RIMKLA: variants seen among roughly 807,000 people sequenced by gnomAD.
RIMKLA encodes the protein ribosomal modification protein rimK like family member A, also known as N-acetylaspartylglutamate synthase A.
Under a neutral mutation model 32.7 loss-of-function variants are expected in RIMKLA, and 14 were observed. That is an observed-to-expected ratio of 0.43 (90% CI 0.28 to 0.67). RIMKLA has a LOEUF of 0.67. RIMKLA is among the 30% of genes least tolerant of loss of function. RIMKLA has a pLI of 0.18. For synonymous variants in RIMKLA, 176 were observed against 204.1 expected, an observed-to-expected ratio of 0.86 and a Z score of 1.18; for missense variants, 410 against 519.0, an observed-to-expected ratio of 0.79 and a Z score of 2.04.
chr1:42,398,493 A>G (rs1217954312), intron 1 of RIMKLA, among the ~76,000 whole-genome samples: 1 of 152,226 alleles, frequency 6.6e-6, no homozygotes, highest in Non-Finnish European at 1.5e-5. Context: ...CAAGTATAAA[A>G]TATAAAGAAG....
chr1:42,404,450 T>G (rs1487639183), intron 2 of RIMKLA, 61 bp from the exon 3 acceptor site: 1 of 1,118,284 alleles, frequency 8.9e-7, no homozygotes, highest in South Asian at 1.2e-5. Context: ...GGGGCGGGGC[T>G]GGGGTGACCG....
At chr1:42,395,926 T>C (rs1643040215) in intron 1 of RIMKLA, among the ~76,000 whole-genome samples, 1 of 152,110 alleles carries the variant, frequency 6.6e-6, no homozygotes, top group African/African-American at 2.4e-5. Flanking sequence ...AGGAGGCATG[T>C]GAAGTTGCCC....
chr1:42,386,836 G>A (rs1315586731), intron 1 of RIMKLA, among the ~76,000 whole-genome samples: 2 of 151,568 alleles, frequency 1.3e-5, no homozygotes, highest in African/African-American at 4.8e-5. Flanking sequence ...AGTGAGCTGA[G>A]ATTACGCCAC....
At position 42,419,082 on chromosome 1, in the gene RIMKLA, T is replaced by G. The variant is rs891963728; in HGVS notation, c.*4108T>G. 1 of 152,208 alleles carries G rather than the reference T, an allele frequency of 6.6e-6. No homozygotes were observed. The highest frequency in any genetic ancestry group is 2.1e-4 in the South Asian group (1 of 4,832). The allele number at this position is 152,208 out of a possible 1,614,324, so 9.4% of individuals were successfully genotyped here. On this transcript the variant is annotated 3_prime_UTR_variant, in exon 5 of 5. Coordinates refer to ENST00000431473, the MANE Select transcript of RIMKLA (RefSeq NM_173642.4). The stretch of plus-strand genomic sequence containing the variant: ...TCTGAGACTCAAGATCAGGACAGAT[T>G]GTTACTTTAAAATGTTACCTGGAAG...
chr1:42,414,729 A>G lies in RIMKLA; in HGVS notation c.931A>G (p.Met311Val), dbSNP rs199605892. 1.6e-5 allele frequency: 26 copies of G among 1,614,108 alleles called. No individual in the cohort carries two copies. The highest frequency in any genetic ancestry group is 2.0e-5 in the Non-Finnish European group (24 of 1,180,052). The change falls in exon 5 of 5, where the codon ATG becomes GTG. Residue 311 changes from methionine (M) to valine (V), a missense_variant. By Grantham distance (21) the Met-to-Val change is conservative. Transcript: ENST00000431473. ...SLLPNRQTGK[M>V]AVLPGLSSPR... ...GCTGCCAAATAGGCAGACTGGAAAG[A>G]TGGCTGTCCTCCCAGGACTGTCGAG...
Position 42,423,357 on chromosome 1 carries a change from C to T in RIMKLA, c.*8383C>T, listed in dbSNP as rs1643310419. Reference sequence around the variant, plus strand: ...AAAAGTGGAGAGAATAGTAAACTCCCCAGAAAAGGACGTTTCCATTTGCCT... The same window carrying T: ...AAAAGTGGAGAGAATAGTAAACTCCTCAGAAAAGGACGTTTCCATTTGCCT... On this transcript the variant is annotated 3_prime_UTR_variant, in exon 5 of 5. Coordinates refer to ENST00000431473, the MANE Select transcript of RIMKLA (RefSeq NM_173642.4). 6.6e-6 allele frequency among the ~76,000 whole-genome samples: 1 copy of T among 152,128 alleles called. No individual in the cohort carries two copies. The highest frequency in any genetic ancestry group is 2.1e-4 in the South Asian group (1 of 4,822).
In RIMKLA at chr1:42,424,014, C is replaced by G. The variant is rs1208419612; in HGVS notation, c.*9040C>G. Among the ~76,000 whole-genome samples, 3 of 152,142 alleles carry G rather than the reference C, an allele frequency of 2.0e-5. No individual in the cohort carries two copies. Among genetic ancestry groups the G allele is most frequent in the African/African-American group, 7.2e-5 (3 of 41,426 alleles). On this transcript the variant is annotated 3_prime_UTR_variant, in exon 5 of 5. Coordinates refer to ENST00000431473, the MANE Select transcript of RIMKLA (RefSeq NM_173642.4). ...AGCACTTGTGTCACATCTAAAGGCA[C>G]TCCTCTGACTAAAGAGAAGTGGCAG...
At chr1:42,409,771 G>A (rs1475531353) in intron 3 of RIMKLA, among the ~76,000 whole-genome samples, 2 of 152,308 alleles carry the variant, frequency 1.3e-5, no homozygotes, top group Middle Eastern at 3.4e-3. Context: ...AGTGATGGTG[G>A]AGGGAGAGGG....
At position 42,380,933 on chromosome 1, in the gene RIMKLA, C is replaced by G; in HGVS notation, c.-2C>G. 7.1e-6 allele frequency: 10 copies of G among 1,413,756 alleles called. No homozygotes were observed. The highest frequency in any genetic ancestry group is 8.3e-6 in the Non-Finnish European group (9 of 1,081,924). 87.6% of individuals were successfully genotyped at this position (1,413,756 alleles called of 1,614,324 possible). Reference sequence around the variant, plus strand: ...CGCGCGGGGCGCACCGCCCTGGCCGCCATGTGCTCCCAGCTCTGGTTCCTG... The same window carrying G: ...CGCGCGGGGCGCACCGCCCTGGCCGGCATGTGCTCCCAGCTCTGGTTCCTG... On this transcript the variant is annotated 5_prime_UTR_variant, in exon 1 of 5. Coordinates refer to ENST00000431473, the MANE Select transcript of RIMKLA (RefSeq NM_173642.4).
At chr1:42,381,188 A>C in intron 1 of RIMKLA, 91 bp downstream of exon 1, 2 of 1,031,170 alleles carry the variant, frequency 1.9e-6, no homozygotes, top group Non-Finnish European at 2.5e-6. Context: ...CTCCCGCAGC[A>C]GAGTCTCCTT....
intron 3 of RIMKLA, 83 bp from the exon 4 acceptor site, chr1:42,409,901 C>A: frequency 1.9e-6 from 2 of 1,071,214 alleles, no homozygotes; most frequent in Non-Finnish European, 2.9e-6. Flanking sequence ...GAACTGATGA[C>A]TTTATGGACA....
At chr1:42,390,979 T>C (rs938855954) in intron 1 of RIMKLA, among the ~76,000 whole-genome samples, 3 of 152,012 alleles carry the variant, frequency 2.0e-5, no homozygotes, top group African/African-American at 7.3e-5. Flanking sequence ...GTTGAGGATA[T>C]GAACGGAGGG....
intron 2 of RIMKLA, among the ~76,000 whole-genome samples, chr1:42,401,722 T>G (rs1643098707): frequency 6.6e-6 from 1 of 152,114 alleles, no homozygotes; most frequent in Non-Finnish European, 1.5e-5. Context: ...ATGGAAACAG[T>G]GGCTTTCTAT....
Position 42,414,861 on chromosome 1 carries a change from C to G in RIMKLA, c.1063C>G (p.Leu355Val), listed in dbSNP as rs140250649. Residue 355 changes from leucine to valine, a missense_variant, in exon 5 of 5, where the codon CTG becomes GTG. Transcript: ENST00000431473. Reference protein sequence around the residue: ...GSTSSESEPELGEIRDSSAST... With the variant: ...GSTSSESEPEVGEIRDSSAST... ...TACCTCTAGTGAAAGTGAGCCTGAA[C>G]TGGGAGAGATCCGGGATTCCTCAGC... 1.2e-6 allele frequency: 2 copies of G among 1,614,214 alleles called. No individual in the cohort carries two copies. The highest frequency in any genetic ancestry group is 1.7e-6 in the Non-Finnish European group (2 of 1,180,038).
At chr1:42,410,885 A>G (rs999774369) in intron 4 of RIMKLA, among the ~76,000 whole-genome samples, 1 of 152,228 alleles carries the variant, frequency 6.6e-6, no homozygotes, top group Non-Finnish European at 1.5e-5. Context: ...TGAGTATACC[A>G]AGTCCAGTGA....
At chr1:42,386,391 A>G (rs374334212) in intron 1 of RIMKLA, among the ~76,000 whole-genome samples, 16 of 152,158 alleles carry the variant, frequency 1.1e-4, no homozygotes, top group African/African-American at 3.9e-4. Context: ...CAGGGAGGAC[A>G]CTGCATCTGC....
intron 1 of RIMKLA, among the ~76,000 whole-genome samples, chr1:42,381,745 A>T (rs978428773): frequency 5.3e-5 from 8 of 152,188 alleles, no homozygotes; most frequent in African/African-American, 1.9e-4. Context: ...GGCCTCACTG[A>T]TCACTCCACT....
At chr1:42,414,023 T>A (rs188016786) in intron 4 of RIMKLA, among the ~76,000 whole-genome samples, 60 of 151,922 alleles carry the variant, frequency 3.9e-4, no homozygotes, top group African/African-American at 1.4e-3. Context: ...CCCAAAGTGC[T>A]GGGATTACAG....
intron 1 of RIMKLA, among the ~76,000 whole-genome samples, chr1:42,382,514 A>G (rs182207991): frequency 1.3e-5 from 2 of 152,308 alleles, no homozygotes; most frequent in Admixed American, 1.3e-4. Context: ...TAAATTGTAT[A>G]ATCTGTTGTA....
Sources: allele counts gnomAD v4.1 joint callset (sites outside exome capture counted in the v4.1 genomes callset), GRCh38; gene constraint gnomAD v4.1.1; transcripts MANE v1.5; gene names NCBI Gene and HGNC (gene_info 2026-07-23, HGNC 2026-07-21).